DPP6: variants seen among roughly 807,000 people sequenced by gnomAD.
The protein encoded by DPP6 is A-type potassium channel modulatory protein DPP6.
DPP6 carries 69 observed loss-of-function variants against 122.6 expected under a neutral mutation model. That is an observed-to-expected ratio of 0.56 (90% CI 0.46 to 0.69). DPP6 has a LOEUF of 0.69. Among genes scored for constraint, DPP6 ranks in the 30% least tolerant of loss-of-function variants. The probability of loss-of-function intolerance (pLI) is 0.00; values close to 1 mark genes in which losing one functional copy is unlikely to be tolerated. For synonymous variants in DPP6, 418 were observed against 433.1 expected, an observed-to-expected ratio of 0.97 and a Z score of 0.43; for missense variants, 928 against 1,116.9, an observed-to-expected ratio of 0.83 and a Z score of 2.41.
At chr7:154,290,374 T>G (rs2150963626) in intron 1 of DPP6, among the ~76,000 whole-genome samples, 1 of 152,346 alleles carries the variant, frequency 6.6e-6, no homozygotes, top group East Asian at 1.9e-4. Context: ...CCAGTCCATC[T>G]TCTACGCTCT....
chr7:154,390,121 G>T (rs777640185), intron 1 of DPP6, among the ~76,000 whole-genome samples: 3 of 152,194 alleles, frequency 2.0e-5, no homozygotes, highest in Non-Finnish European at 4.4e-5. Flanking sequence ...CAATTGATTG[G>T]TCATCTACTG....
chr7:153,979,937 T>C (rs1367642906), intron 1 of DPP6, among the ~76,000 whole-genome samples: 1 of 152,192 alleles, frequency 6.6e-6, no homozygotes, highest in African/African-American at 2.4e-5. Flanking sequence ...TGCTGCTGTA[T>C]TCAGTTTGCC....
upstream of DPP6, among the ~76,000 whole-genome samples, chr7:153,886,926 C>A (rs571455091): frequency 1.6e-4 from 25 of 152,106 alleles, no homozygotes; most frequent in Non-Finnish European, 2.6e-4. Flanking sequence ...GCGGCAATCA[C>A]CGTAGTGCTT....
At chr7:154,377,294 C>T (rs1813211151) in intron 1 of DPP6, among the ~76,000 whole-genome samples, 1 of 152,086 alleles carries the variant, frequency 6.6e-6, no homozygotes. Context: ...TGGCAATAAG[C>T]CTGGCACATC....
chr7:153,903,211 T>C (rs1695313860), intron 1 of DPP6, among the ~76,000 whole-genome samples: 1 of 152,210 alleles, frequency 6.6e-6, no homozygotes, highest in Non-Finnish European at 1.5e-5. Context: ...GGCTTTCATA[T>C]TCAGGACTAG....
chr7:154,094,440 G>C (rs1805171588), intron 1 of DPP6: 1 of 152,426 alleles, frequency 6.6e-6, no homozygotes, highest in African/African-American at 2.4e-5. Flanking sequence ...CGCAGGGAGA[G>C]CTGCATGTTT....
chr7:154,745,235 C>G (rs1842983231), intron 8 of DPP6, among the ~76,000 whole-genome samples: 1 of 152,178 alleles, frequency 6.6e-6, no homozygotes, highest in African/African-American at 2.4e-5. Context: ...TCCTGGAGGT[C>G]TCCATAGTGG....
the DPP6 span, among the ~76,000 whole-genome samples, chr7:153,864,399 A>G: frequency 2.6e-5 from 4 of 152,248 alleles, no homozygotes; most frequent in East Asian, 7.7e-4. Flanking sequence ...TCACACTTCT[A>G]ATCCCAGCAC....
chr7:154,461,678 G>A (rs1178074136), intron 2 of DPP6, among the ~76,000 whole-genome samples: 1 of 152,102 alleles, frequency 6.6e-6, no homozygotes, highest in Non-Finnish European at 1.5e-5. Context: ...TTTGAGAAAT[G>A]TCTACTCAGA....
At chr7:153,774,185 G>T in the DPP6 span, among the ~76,000 whole-genome samples, 1 of 152,104 alleles carries the variant, frequency 6.6e-6, no homozygotes, top group African/African-American at 2.4e-5. Context: ...GATTGACTGG[G>T]GAAGACACAT....
In DPP6 at chr7:154,758,353, CTG is replaced by C. The variant is rs373344070; in HGVS notation, c.884-11061_884-11060del. Among the ~76,000 whole-genome samples, 274 of 151,100 alleles carry C rather than the reference CTG, an allele frequency of 1.8e-3. 2 individuals carry two copies. Among genetic ancestry groups the C allele is most frequent in the African/African-American group, 6.5e-3 (265 of 40,900 alleles). On this transcript the variant is annotated intron_variant, in intron 8 of 25. Coordinates refer to ENST00000377770, the MANE Select transcript of DPP6 (RefSeq NM_130797.4). Reference sequence around the variant, plus strand: ...CCCATTACATTGAAATCTTTTCAGACTGTGATGAAGGAAATACAGATTTTTTT... The same window carrying C: ...CCCATTACATTGAAATCTTTTCAGACTGATGAAGGAAATACAGATTTTTTT...
chr7:154,715,938 A>G (rs78805614), intron 7 of DPP6, among the ~76,000 whole-genome samples: 3,704 of 152,110 alleles, frequency 0.024, 94 homozygotes, highest in Non-Finnish European at 0.039. Flanking sequence ...TTCATTTCCC[A>G]TCTTAATTCT....
At chr7:154,556,240 T>G (rs1313731685) in intron 4 of DPP6, among the ~76,000 whole-genome samples, 1 of 152,194 alleles carries the variant, frequency 6.6e-6, no homozygotes, top group Admixed American at 6.5e-5. Flanking sequence ...TTATCTACAC[T>G]TTACAGAGGC....
intron 25 of DPP6, 45 bp downstream of exon 25, chr7:154,889,575 T>G (rs1467888444): frequency 1.3e-6 from 2 of 1,573,746 alleles, no homozygotes. Context: ...AGCAAGACAT[T>G]CCTTTCATGG....
At chr7:154,524,397 T>C (rs74873262) in intron 3 of DPP6, among the ~76,000 whole-genome samples, 4,341 of 152,298 alleles carry the variant, frequency 0.029, 97 homozygotes, top group East Asian at 0.086. Context: ...AATAAACAAC[T>C]AACAACCTTC....
the DPP6 span, among the ~76,000 whole-genome samples, chr7:153,803,848 C>G: frequency 6.7e-6 from 1 of 149,266 alleles, no homozygotes; most frequent in South Asian, 2.1e-4. Flanking sequence ...TACATACACA[C>G]ACACACATAT....
chr7:154,121,190 C>A (rs1807427883), intron 1 of DPP6, among the ~76,000 whole-genome samples: 1 of 152,192 alleles, frequency 6.6e-6, no homozygotes, highest in Admixed American at 6.5e-5. Flanking sequence ...TAACCAGTCT[C>A]AGGTATTTCT....
chr7:153,937,266 C>T (rs549839516), intron 1 of DPP6, among the ~76,000 whole-genome samples: 2 of 152,260 alleles, frequency 1.3e-5, no homozygotes, highest in South Asian at 2.1e-4. Flanking sequence ...TGTAAGATTA[C>T]GCTGGCTGAT....
intron 16 of DPP6, among the ~76,000 whole-genome samples, chr7:154,831,813 CCTTA>C (rs1462226052): frequency 6.6e-6 from 1 of 152,154 alleles, no homozygotes; most frequent in Non-Finnish European, 1.5e-5. Context: ...CCTCCTCTGG[CCTTA>C]CTTATTGTCA....
Sources: allele counts gnomAD v4.1 joint callset (sites outside exome capture counted in the v4.1 genomes callset), GRCh38; gene constraint gnomAD v4.1.1; transcripts MANE v1.5; gene names NCBI Gene and HGNC (gene_info 2026-07-23, HGNC 2026-07-21).